PLOD2: variants seen among roughly 807,000 people sequenced by gnomAD.
PLOD2 encodes procollagen-lysine,2-oxoglutarate 5-dioxygenase 2, also known as lysine hydroxylase 2.
A neutral mutation model predicts 101.0 loss-of-function variants in PLOD2; 65 were observed. The observed-to-expected ratio is 0.64, with a 90% confidence interval of 0.53 to 0.79. The LOEUF (loss-of-function observed/expected upper bound fraction) is 0.79. Among genes scored for constraint, PLOD2 ranks in the 30% least tolerant of loss-of-function variants. The pLI is 0.00. For missense variants in PLOD2, 909 were observed against 914.6 expected (o/e 0.99, Z 0.08); for synonymous variants, 314 against 302.9 (o/e 1.04, Z -0.38).
Position 146,073,356 on chromosome 3 carries a change from T to C in PLOD2, c.1678-4A>G, listed in dbSNP as rs775318546. The C allele has an allele frequency of 1.6e-5, 17 of 1,048,648 alleles. No homozygotes were observed. Among genetic ancestry groups the C allele is most frequent in the Non-Finnish European group, 2.4e-5 (17 of 697,116 alleles). 65.0% of individuals were successfully genotyped at this position (1,048,648 alleles called of 1,614,324 possible). The stretch of plus-strand genomic sequence containing the variant: ...TTATATACTTTTCCTTCCAGTCCTA[T>C]AAAAAGAAGTACATATTAAAACAAA... On this transcript the variant is annotated splice_region_variant and splice_polypyrimidine_tract_variant and intron_variant, in intron 15 of 19. Coordinates refer to ENST00000282903, the MANE Select transcript of PLOD2 (RefSeq NM_182943.3).
At chr3:146,154,921 A>G (rs573530891) in intron 1 of PLOD2, among the ~76,000 whole-genome samples, 25 of 152,350 alleles carry the variant, frequency 1.6e-4, no homozygotes, top group African/African-American at 5.3e-4. Context: ...AATACACAAA[A>G]GAAAATCTGT....
chr3:146,108,389 G>A (rs78114034), intron 4 of PLOD2, among the ~76,000 whole-genome samples: 5,623 of 152,114 alleles, frequency 0.037, 166 homozygotes, highest in Middle Eastern at 0.054. Flanking sequence ...TCCCTACGTT[G>A]CACAGCCTGG....
At chr3:146,128,880 CTTTTTTTTTTTTTTT>C (rs3975816) in intron 1 of PLOD2, among the ~76,000 whole-genome samples, 62 of 73,236 alleles carry the variant, frequency 8.5e-4, no homozygotes, top group African/African-American at 2.9e-3. Flanking sequence ...ATCTGAAATC[CTTTTTTTTTTTTTTT>C]TTTTTTTTTT....
intron 8 of PLOD2, among the ~76,000 whole-genome samples, chr3:146,091,395 G>A (rs189185378): frequency 6.3e-4 from 95 of 151,950 alleles, no homozygotes; most frequent in Admixed American, 1.6e-3. Flanking sequence ...TAAAACAGTC[G>A]TTTGTTATAT....
chr3:146,097,487 C>CTG (rs1177951896), intron 7 of PLOD2, among the ~76,000 whole-genome samples: 1 of 110,414 alleles, frequency 9.1e-6, no homozygotes, highest in Admixed American at 9.7e-5. Flanking sequence ...TCCTGTTGAT[C>CTG]TGTGACCTTA....
At chr3:146,090,136 A>G (rs1039255370) in intron 8 of PLOD2, among the ~76,000 whole-genome samples, 2 of 151,118 alleles carry the variant, frequency 1.3e-5, no homozygotes, top group African/African-American at 4.8e-5. Context: ...TCATATATAT[A>G]TGTGGGTAAA....
chr3:146,150,473 G>T (rs1444551249), intron 1 of PLOD2, among the ~76,000 whole-genome samples: 1 of 151,956 alleles, frequency 6.6e-6, no homozygotes. Context: ...ACTAACACAG[G>T]AACAGAAATC....
At chr3:146,141,295 T>C (rs927240482) in intron 1 of PLOD2, among the ~76,000 whole-genome samples, 1 of 152,116 alleles carries the variant, frequency 6.6e-6, no homozygotes, top group African/African-American at 2.4e-5. Context: ...TCTTCTGTGA[T>C]TTATCTTGCA....
rs1215351188 is a variant in PLOD2 at position 146,072,474 on chromosome 3, G to A, written c.1848+87C>T. The A allele has an allele frequency of 5.8e-6, 5 of 868,722 alleles. No homozygotes were observed. In the African/African-American group the frequency reaches 8.4e-5, roughly 15 times the overall value. 53.8% of individuals were successfully genotyped at this position (868,722 alleles called of 1,614,324 possible). ...AAGTCTAGAACTCAGAGACATATGA[G>A]AAAAAGTATATAACCCCTCCGAATT... On this transcript the variant is annotated intron_variant, in intron 17 of 19. Coordinates refer to ENST00000282903, the MANE Select transcript of PLOD2 (RefSeq NM_182943.3).
chr3:146,126,171 T>C (rs752278444), intron 1 of PLOD2, among the ~76,000 whole-genome samples: 5 of 152,184 alleles, frequency 3.3e-5, no homozygotes, highest in African/African-American at 4.8e-5. Context: ...CCAGCAATCC[T>C]ATGCCAAATA....
At chr3:146,120,414 A>G (rs549252105) in intron 3 of PLOD2, among the ~76,000 whole-genome samples, 2 of 152,120 alleles carry the variant, frequency 1.3e-5, no homozygotes, top group Non-Finnish European at 2.9e-5. Context: ...CTGGCTAGCC[A>G]TATGTAGAAA....
intron 4 of PLOD2, among the ~76,000 whole-genome samples, chr3:146,107,103 A>C (rs2108062977): frequency 6.6e-6 from 1 of 152,316 alleles, no homozygotes; most frequent in Non-Finnish European, 1.5e-5. Flanking sequence ...CAGAGATGCT[A>C]ATGCAATCAA....
intron 1 of PLOD2, among the ~76,000 whole-genome samples, chr3:146,126,686 G>A (rs895930): frequency 0.52 from 78,360 of 151,952 alleles, 20,304 homozygotes; most frequent in Middle Eastern, 0.56. Context: ...TGTTAGTCAC[G>A]GACCTGAGTT....
chr3:146,097,795 T>TAA (rs753043092), intron 7 of PLOD2, among the ~76,000 whole-genome samples: 13,059 of 126,888 alleles, frequency 0.1, 728 homozygotes, highest in South Asian at 0.15. Flanking sequence ...GAATGATCAA[T>TAA]AAAAAAAAAA....
chr3:146,159,468 T>C (rs2032461757), intron 1 of PLOD2, among the ~76,000 whole-genome samples: 1 of 152,222 alleles, frequency 6.6e-6, no homozygotes. Flanking sequence ...TCTCTAAATA[T>C]TACAAAGTCC....
intron 9 of PLOD2, among the ~76,000 whole-genome samples, chr3:146,087,992 C>T (rs1256181588): frequency 3.3e-5 from 5 of 151,570 alleles, no homozygotes; most frequent in Non-Finnish European, 3.0e-5. Context: ...TTGAGTTTTT[C>T]TAGACAATGT....
intron 1 of PLOD2, among the ~76,000 whole-genome samples, 162 bp from the exon 2 acceptor site, chr3:146,124,391 C>G (rs2030415442): frequency 1.3e-5 from 2 of 152,068 alleles, no homozygotes; most frequent in Middle Eastern, 3.2e-3. Flanking sequence ...ATAGATGACT[C>G]AAATTGGTTG....
rs752679744 is a variant in PLOD2 at position 146,148,001 on chromosome 3, T to C, written c.109+12880A>G. 2.5e-4 allele frequency among the ~76,000 whole-genome samples: 38 copies of C among 152,288 alleles called. No homozygotes were observed. The Middle Eastern group carries it at 0.017, about 68-fold the overall frequency. On this transcript the variant is annotated intron_variant, in intron 1 of 19. Coordinates refer to ENST00000282903, the MANE Select transcript of PLOD2 (RefSeq NM_182943.3). ...ATTCTGATTTTTAAGTAAAATTTCC[T>C]GAAACATAGAACTTAATTTGAGGCT...
In PLOD2 at chr3:146,121,132, C is replaced by G. The variant is rs1458074788; in HGVS notation, c.318G>C (p.Leu106=). Residue 106 remains leucine (L), a synonymous_variant, in exon 3 of 20, where the codon CTG becomes CTC. Coordinates refer to ENST00000282903, the MANE Select transcript of PLOD2 (RefSeq NM_182943.3). ...CCTACCATTCAGTAAACATGACAACCAGATCATCTTGATCAGCATAGTGTT... is the reference window on the plus strand; with the variant it reads ...CCTACCATTCAGTAAACATGACAACGAGATCATCTTGATCAGCATAGTGTT... ...VMEHYADQDD[L]VVMFTECFDV... 4.4e-6 allele frequency: 7 copies of G among 1,607,252 alleles called. No homozygotes were observed. Among genetic ancestry groups the G allele is most frequent in the Non-Finnish European group, 6.0e-6 (7 of 1,174,118 alleles).
Sources: gnomAD v4.1 joint callset for allele counts (sites outside exome capture counted in the v4.1 genomes callset) on GRCh38, gnomAD v4.1.1 for gene constraint, MANE v1.5 for transcripts, NCBI Gene and HGNC (gene_info 2026-07-23, HGNC 2026-07-21) for gene names.